Variants in IBTK observed in about 807,000 individuals in gnomAD.
The protein encoded by IBTK is inhibitor of Bruton tyrosine kinase.
A neutral mutation model predicts 154.9 loss-of-function variants in IBTK; 83 were observed. The observed-to-expected ratio is 0.54, with a 90% CI of 0.45 to 0.64. The LOEUF is 0.64. IBTK is among the 30% of genes least tolerant of loss of function. The pLI is 0.00. For missense variants in IBTK, 1,332 were observed against 1,584.6 expected, an observed-to-expected ratio of 0.84 and a Z score of 2.71; for synonymous variants, 515 against 536.1, an observed-to-expected ratio of 0.96 and a Z score of 0.54.
At chr6:82,243,718 C>T (rs7744648) in intron 1 of IBTK, among the ~76,000 whole-genome samples, 36,190 of 151,958 alleles carry the variant, frequency 0.24, 4,335 homozygotes, top group African/African-American at 0.28. Flanking sequence ...AATAGTTCAT[C>T]CAGTTAATTT....
intron 26 of IBTK, among the ~76,000 whole-genome samples, chr6:82,181,233 T>C (rs1404006533): frequency 1.3e-5 from 2 of 151,970 alleles, no homozygotes; most frequent in African/African-American, 2.4e-5. Context: ...TCTACTTTCA[T>C]GAAAATTAAA....
rs1010516121 is a variant in IBTK, at chr6:82,191,157, GTCAATGCAA to G, written c.3482_3490del (p.Ile1161_Leu1163del). On this transcript the variant is annotated inframe_deletion, in exon 25 of 29. Transcript: ENST00000306270. ...CATTCCTGAATTGTTTTCCTTGGTA[GTCAATGCAA>G]TCATTTTTCGTTGCTTCTGAGAAAG... The G allele has an allele frequency of 6.2e-7, 1 of 1,609,258 alleles. No homozygotes were observed.
intron 3 of IBTK, 94 bp downstream of exon 3, chr6:82,234,065 C>T (rs1770622764): frequency 9.3e-6 from 4 of 427,928 alleles, no homozygotes; most frequent in African/African-American, 6.5e-5. Context: ...TCTCGAACTC[C>T]TGACCTGAAG....
In IBTK at chr6:82,173,844, AT is replaced by A. The variant is rs1768020326; in HGVS notation, c.3726-407del. 2.6e-5 allele frequency among the ~76,000 whole-genome samples: 4 copies of A among 152,100 alleles called. 1 individual carries two copies. In the South Asian group the frequency reaches 8.3e-4, roughly 31 times the overall value. ...TTCACAAGCTAGTTGAGGAAACAAC[AT>A]ACAAAATGACATATAAAATAACAGA... On this transcript the variant is annotated intron_variant, in intron 26 of 28. Coordinates refer to ENST00000306270, the MANE Select transcript of IBTK (RefSeq NM_015525.4).
intron 2 of IBTK, among the ~76,000 whole-genome samples, chr6:82,239,784 C>T (rs1409493831): frequency 1.6e-5 from 2 of 126,884 alleles, no homozygotes; most frequent in Admixed American, 1.6e-4. Flanking sequence ...GTTCTGAATG[C>T]TGCCCGATTC....
rs1376636884 is a variant in IBTK, at chr6:82,181,869, G to T, written c.3725+10C>A. 6.5e-7 allele frequency: 1 copy of T among 1,544,396 alleles called. No homozygotes were observed. Among genetic ancestry groups the T allele is most frequent in the South Asian group, 1.2e-5 (1 of 82,502 alleles). Reference sequence around the variant, plus strand: ...TAGAAAATGTATTAGTTTTAAGTTTGTTTTATTACCTGACAATTTTTGGTG... The same window carrying T: ...TAGAAAATGTATTAGTTTTAAGTTTTTTTTATTACCTGACAATTTTTGGTG... On this transcript the variant is annotated intron_variant, in intron 26 of 28. Coordinates refer to ENST00000306270, the MANE Select transcript of IBTK (RefSeq NM_015525.4).
In IBTK at chr6:82,170,928, C is replaced by T. The variant is rs771215872; in HGVS notation, c.*497G>A. 4.4e-4 allele frequency: 67 copies of T among 152,936 alleles called. No individual in the cohort carries two copies. Among genetic ancestry groups the T allele is most frequent in the South Asian group, 1.4e-3 (7 of 4,842 alleles). 9.5% of individuals were successfully genotyped at this position (152,936 alleles called of 1,614,324 possible). ...CATGATTAGCCTGATTTTTAAAAAGCAACAAGAATGGTGACACAACTATTA... is the reference window on the plus strand; with the variant it reads ...CATGATTAGCCTGATTTTTAAAAAGTAACAAGAATGGTGACACAACTATTA... On this transcript the variant is annotated 3_prime_UTR_variant, in exon 29 of 29. Transcript: ENST00000306270.
intron 26 of IBTK, among the ~76,000 whole-genome samples, chr6:82,175,274 T>TA: frequency 6.6e-6 from 1 of 152,326 alleles, no homozygotes; most frequent in East Asian, 1.9e-4. Flanking sequence ...TAACTTTTCT[T>TA]AGAGATATAA....
chr6:82,171,536 T>C lies in IBTK; in HGVS notation c.3951A>G (p.Gln1317=). ...ATGCCTCATAGAAAACCAATAAATC[T>C]TGTATGGCATGCTCCTCAATCTGAA... ...ALIQIEEHAI[Q]DLLVFYEAFG... The change falls in exon 29 of 29, where the codon CAA becomes CAG. Residue 1317 remains glutamine (Q), a synonymous_variant. Transcript: ENST00000306270. The C allele has an allele frequency of 6.2e-7, 1 of 1,604,930 alleles. No homozygotes were observed. Among genetic ancestry groups the C allele is most frequent in the Non-Finnish European group, 8.5e-7 (1 of 1,174,388 alleles).
chr6:82,198,380 A>G (rs1164990109), intron 21 of IBTK, among the ~76,000 whole-genome samples: 1 of 152,106 alleles, frequency 6.6e-6, no homozygotes, highest in African/African-American at 2.4e-5. Flanking sequence ...AAGTCCTAAG[A>G]TAATAGCTTT....
intron 12 of IBTK, among the ~76,000 whole-genome samples, chr6:82,213,079 G>T (rs1769712932): frequency 3.3e-5 from 5 of 151,486 alleles, no homozygotes. Context: ...CCAGGCTAGA[G>T]TGTGGTGGCA....
Position 82,247,575 on chromosome 6 carries a change from A to C in IBTK, c.-371T>G, listed in dbSNP as rs1313621361. 1 of 398,754 alleles carries C rather than the reference A, an allele frequency of 2.5e-6. No individual in the cohort carries two copies. Among genetic ancestry groups the C allele is most frequent in the Non-Finnish European group, 4.4e-6 (1 of 226,272 alleles). The allele number at this position is 398,754 out of a possible 1,614,324, so 24.7% of individuals were successfully genotyped here. A position where few individuals can be genotyped will look rare whatever the true frequency, so the allele number is the denominator to read the frequency against. ...GCCCTCCCTCACCAGTCGCTAGATG[A>C]AACTGCGCCGGTGGATTCCGCAGGG... On this transcript the variant is annotated 5_prime_UTR_variant, in exon 1 of 29. Coordinates refer to ENST00000306270, the MANE Select transcript of IBTK (RefSeq NM_015525.4).
intron 3 of IBTK, among the ~76,000 whole-genome samples, chr6:82,233,719 T>TTTTG (rs1285264365): frequency 6.7e-6 from 1 of 148,330 alleles, no homozygotes; most frequent in Non-Finnish European, 1.5e-5. Flanking sequence ...AAGTTTTTTT[T>TTTTG]TTTTTTTTTT....
intron 2 of IBTK, among the ~76,000 whole-genome samples, chr6:82,236,959 C>T (rs1383008948): frequency 1.3e-5 from 2 of 152,180 alleles, no homozygotes; most frequent in Non-Finnish European, 2.9e-5. Flanking sequence ...TATCACTGAT[C>T]AGCAGGGCTC....
intron 2 of IBTK, among the ~76,000 whole-genome samples, chr6:82,239,863 T>A (rs575962552): frequency 2.3e-4 from 35 of 152,246 alleles, no homozygotes; most frequent in Non-Finnish European, 3.5e-4. Context: ...TAATGTATAA[T>A]ACTCATTAAA....
rs183707491 is a variant in IBTK at position 82,174,981 on chromosome 6, C to A, written c.3726-1543G>T. Reference sequence around the variant, plus strand: ...TCTTTTACAGTTGGCTCAAATGTCACCTTCTCTCTCCTCCTACAAAACTTC... The same window carrying A: ...TCTTTTACAGTTGGCTCAAATGTCAACTTCTCTCTCCTCCTACAAAACTTC... On this transcript the variant is annotated intron_variant, in intron 26 of 28. Transcript: ENST00000306270. 225 of 456,078 alleles carry A rather than the reference C, an allele frequency of 4.9e-4. 1 individual carries two copies. The highest frequency in any genetic ancestry group is 3.5e-4 in the Non-Finnish European group (79 of 226,858). The allele number at this position is 456,078 out of a possible 1,614,324, so 28.3% of individuals were successfully genotyped here.
In IBTK at chr6:82,171,583, C is replaced by G. The variant is rs367708288; in HGVS notation, c.3931-27G>C. ...TGAAAGGAGGAAGGGAAAGAAGACTCTTTACTCTTTTAATTATAAACTAAG... is the reference window on the plus strand; with the variant it reads ...TGAAAGGAGGAAGGGAAAGAAGACTGTTTACTCTTTTAATTATAAACTAAG... On this transcript the variant is annotated intron_variant, in intron 28 of 28. Coordinates refer to ENST00000306270, the MANE Select transcript of IBTK (RefSeq NM_015525.4). 4 of 1,551,836 alleles carry G rather than the reference C, an allele frequency of 2.6e-6. No individual in the cohort carries two copies. In the African/African-American group the frequency reaches 5.5e-5, roughly 21 times the overall value.
intron 2 of IBTK, among the ~76,000 whole-genome samples, chr6:82,236,375 A>G (rs1253806010): frequency 6.6e-6 from 1 of 152,234 alleles, no homozygotes; most frequent in African/African-American, 2.4e-5. Context: ...CATATAACCT[A>G]TGATTCTGTG....
intron 26 of IBTK, among the ~76,000 whole-genome samples, chr6:82,181,067 T>A (rs564003834): frequency 2.6e-5 from 4 of 152,274 alleles, no homozygotes; most frequent in East Asian, 1.9e-4. Flanking sequence ...AACTTTTTTT[T>A]AAATACATTG....
Sources: gnomAD v4.1 joint callset for allele counts (sites outside exome capture counted in the v4.1 genomes callset) on GRCh38, gnomAD v4.1.1 for gene constraint, MANE v1.5 for transcripts, NCBI Gene and HGNC (gene_info 2026-07-23, HGNC 2026-07-21) for gene names.